The following PELI2 variants were observed in gnomAD, a reference collection of about 807,000 sequenced individuals.
PELI2 encodes pellino E3 ubiquitin protein ligase family member 2, also known as E3 ubiquitin-protein ligase pellino homolog 2.
In PELI2, 23 loss-of-function variants were observed where a neutral mutation model predicts 42.3. That is an observed-to-expected ratio of 0.54 (90% CI 0.39 to 0.77). The LOEUF (loss-of-function observed/expected upper bound fraction) is 0.77. PELI2 is among the 30% of genes least tolerant of loss of function. PELI2 has a pLI of 0.00. For missense variants in PELI2, 463 were observed against 553.2 expected (o/e 0.84, Z 1.64); for synonymous variants, 245 against 212.2 (o/e 1.15, Z -1.34).
At chr14:56,144,937 T>G (rs1884058693) in intron 1 of PELI2, 12 of 978,784 alleles carry the variant, frequency 1.2e-5, no homozygotes, top group South Asian at 4.7e-5. Flanking sequence ...TGCCGGTGTT[T>G]CCATTACAGG....
chr14:56,158,411 G>A (rs866841092), intron 1 of PELI2, among the ~76,000 whole-genome samples: 5 of 151,912 alleles, frequency 3.3e-5, no homozygotes, highest in South Asian at 2.1e-4. Context: ...GTATGATCTC[G>A]GCTCCCTGCA....
intron 2 of PELI2, among the ~76,000 whole-genome samples, chr14:56,244,638 A>G (rs1252720685): frequency 1.3e-5 from 2 of 152,218 alleles, no homozygotes; most frequent in African/African-American, 2.4e-5. Flanking sequence ...CACCAAGAGC[A>G]GGATGAAAAC....
chr14:56,220,251 G>T (rs1392616043), intron 2 of PELI2, among the ~76,000 whole-genome samples: 1 of 152,182 alleles, frequency 6.6e-6, no homozygotes, highest in Non-Finnish European at 1.5e-5. Flanking sequence ...TTAACTCTCT[G>T]TAGCTTCCAA....
chr14:56,129,730 C>T (rs1566596570), intron 1 of PELI2, among the ~76,000 whole-genome samples: 1 of 152,198 alleles, frequency 6.6e-6, no homozygotes, highest in Non-Finnish European at 1.5e-5. Flanking sequence ...GGACTTGTCC[C>T]TCTGCCTTGG....
At chr14:56,140,132 A>G (rs1228644998) in intron 1 of PELI2, among the ~76,000 whole-genome samples, 2 of 152,014 alleles carry the variant, frequency 1.3e-5, no homozygotes, top group African/African-American at 2.4e-5. Flanking sequence ...TCAAACATGT[A>G]TAATTTAGAG....
chr14:56,177,864 G>T (rs1216851584), intron 1 of PELI2, among the ~76,000 whole-genome samples: 1 of 152,190 alleles, frequency 6.6e-6, no homozygotes, highest in Non-Finnish European at 1.5e-5. Context: ...TAAATTGGTT[G>T]TCTTACAAAT....
intron 2 of PELI2, among the ~76,000 whole-genome samples, chr14:56,204,602 T>C (rs1459132538): frequency 1.3e-5 from 2 of 151,864 alleles, no homozygotes; most frequent in Non-Finnish European, 2.9e-5. Flanking sequence ...GGTGTGGAGC[T>C]CGGAAGTGGG....
chr14:56,183,363 A>T (rs1053687677), intron 2 of PELI2, among the ~76,000 whole-genome samples: 3 of 151,394 alleles, frequency 2.0e-5, no homozygotes, highest in Non-Finnish European at 4.4e-5. Context: ...AAAATAATAA[A>T]CATAAATCAT....
chr14:56,248,186 A>G (rs933653044), intron 2 of PELI2, among the ~76,000 whole-genome samples: 3 of 152,204 alleles, frequency 2.0e-5, no homozygotes, highest in African/African-American at 7.2e-5. Context: ...AATACAGTCC[A>G]AAAATAATTT....
At chr14:56,272,111 A>T (rs765356658) in intron 2 of PELI2, among the ~76,000 whole-genome samples, 1 of 152,198 alleles carries the variant, frequency 6.6e-6, no homozygotes, top group Non-Finnish European at 1.5e-5. Context: ...CACAAAGAAG[A>T]CTATGCAGAG....
intron 1 of PELI2, among the ~76,000 whole-genome samples, chr14:56,148,947 C>T (rs533388494): frequency 2.6e-5 from 4 of 152,170 alleles, no homozygotes; most frequent in East Asian, 3.9e-4. Flanking sequence ...CCATGAATAT[C>T]GGAGGAGGAA....
intron 1 of PELI2, among the ~76,000 whole-genome samples, chr14:56,121,453 A>G (rs1443344935): frequency 1.3e-5 from 2 of 152,196 alleles, no homozygotes; most frequent in Non-Finnish European, 2.9e-5. Context: ...TTCTGGGCTG[A>G]TTAGTGGAAT....
rs781230524 is a variant in PELI2 at position 56,298,103 on chromosome 14, GT to G, written c.*948del. On this transcript the variant is annotated 3_prime_UTR_variant, in exon 6 of 6. Transcript: ENST00000267460. ...CACTTGAGGTTTCATAAAGCTTGGG[GT>G]TTTTTTTTTTCCTTTGTTAAGAAAG... is the stretch of plus-strand genomic sequence containing the variant. 0.011 allele frequency: 1,679 copies of G among 146,414 alleles called. 26 individuals carry two copies. Among genetic ancestry groups the G allele is most frequent in the African/African-American group, 0.038 (1,538 of 40,286 alleles). The allele number at this position is 146,414 out of a possible 1,614,324, so 9.1% of individuals were successfully genotyped here.
In PELI2 at chr14:56,172,565, T is replaced by C. The variant is rs538840021; in HGVS notation, c.78-5770T>C. Among the ~76,000 whole-genome samples, 28 of 152,276 alleles carry C rather than the reference T, an allele frequency of 1.8e-4. 1 individual carries two copies. The South Asian group carries it at 5.6e-3, about 30-fold the overall frequency. On this transcript the variant is annotated intron_variant, in intron 1 of 5. Coordinates refer to ENST00000267460, the MANE Select transcript of PELI2 (RefSeq NM_021255.3). ...AGACTCTTAAGGAGGGGAGGTTGGT[T>C]GGTGTGCCGGCTGTATGATGAATGA...
At chr14:56,229,563 A>G (rs906249923) in intron 2 of PELI2, among the ~76,000 whole-genome samples, 17 of 152,364 alleles carry the variant, frequency 1.1e-4, no homozygotes, top group Admixed American at 9.8e-4. Flanking sequence ...ACAAACAGAA[A>G]GGACATCCAC....
intron 2 of PELI2, among the ~76,000 whole-genome samples, chr14:56,183,461 A>T (rs114055163): frequency 3.3e-5 from 5 of 152,220 alleles, no homozygotes; most frequent in East Asian, 1.9e-4. Flanking sequence ...CGAAGTATCA[A>T]TATAATATAC....
At chr14:56,159,298 G>A (rs1473664549) in intron 1 of PELI2, among the ~76,000 whole-genome samples, 1 of 152,220 alleles carries the variant, frequency 6.6e-6, no homozygotes, top group East Asian at 1.9e-4. Flanking sequence ...TCTTCTCCAA[G>A]TGTCTCTCAT....
intron 2 of PELI2, among the ~76,000 whole-genome samples, chr14:56,259,121 A>G (rs1888626884): frequency 6.6e-6 from 1 of 152,178 alleles, no homozygotes; most frequent in South Asian, 2.1e-4. Flanking sequence ...AGAATTTAGC[A>G]TAAATTTCTT....
chr14:56,209,344 T>A (rs1450270782), intron 2 of PELI2, among the ~76,000 whole-genome samples: 1 of 152,176 alleles, frequency 6.6e-6, no homozygotes, highest in Non-Finnish European at 1.5e-5. Context: ...AAATTACCCC[T>A]TTTTCCAATT....
Sources: allele counts gnomAD v4.1 joint callset (sites outside exome capture counted in the v4.1 genomes callset), GRCh38; gene constraint gnomAD v4.1.1; transcripts MANE v1.5; gene names NCBI Gene and HGNC (gene_info 2026-07-23, HGNC 2026-07-21).